Variants in CDH13 observed in about 807,000 individuals in gnomAD.
CDH13 encodes cadherin 13.
CDH13 carries 24 observed loss-of-function variants against 63.8 expected under a neutral mutation model. The observed-to-expected ratio is 0.38, with a 90% CI of 0.27 to 0.53. The LOEUF is 0.53. Among genes scored for constraint, CDH13 ranks in the 20% least tolerant of loss-of-function variants. The pLI is 0.85. For missense variants in CDH13, 1,049 were observed against 903.1 expected (o/e 1.16, Z -2.07); for synonymous variants, 503 against 355.3 (o/e 1.42, Z -4.67).
chr16:83,791,521 A>G (rs987571417), intron 13 of CDH13, among the ~76,000 whole-genome samples: 5 of 151,650 alleles, frequency 3.3e-5, no homozygotes, highest in African/African-American at 4.8e-5. Flanking sequence ...AAAATAAAAT[A>G]TGCATGCCTG....
At chr16:83,565,182 C>G (rs2075771252) in intron 7 of CDH13, among the ~76,000 whole-genome samples, 1 of 152,062 alleles carries the variant, frequency 6.6e-6, no homozygotes, top group Admixed American at 6.6e-5. Context: ...TCTAGAAAAG[C>G]AATTCAGATC....
intron 6 of CDH13, among the ~76,000 whole-genome samples, chr16:83,482,023 T>G (rs1483839026): frequency 1.3e-5 from 2 of 152,116 alleles, no homozygotes; most frequent in African/African-American, 4.8e-5. Flanking sequence ...GCCCTGGGCA[T>G]AGCATTGGTA....
intron 7 of CDH13, among the ~76,000 whole-genome samples, chr16:83,533,954 T>A (rs1404627371): frequency 1.3e-5 from 2 of 152,180 alleles, no homozygotes; most frequent in Non-Finnish European, 2.9e-5. Context: ...GTTGGACTTA[T>A]TTTTAAACTT....
chr16:82,659,846 C>T (rs1404039784), intron 1 of CDH13, among the ~76,000 whole-genome samples: 3 of 152,122 alleles, frequency 2.0e-5, no homozygotes, highest in Non-Finnish European at 4.4e-5. Context: ...CAGAAGCATC[C>T]CTGGCCTCTA....
At chr16:83,235,879 A>G (rs2040129294) in intron 5 of CDH13, among the ~76,000 whole-genome samples, 1 of 152,296 alleles carries the variant, frequency 6.6e-6, no homozygotes, top group Admixed American at 6.5e-5. Context: ...CGAGGTCCTT[A>G]AACTTGTGTG....
intron 6 of CDH13, among the ~76,000 whole-genome samples, chr16:83,419,655 TCA>T (rs2071656489): frequency 6.6e-6 from 1 of 152,216 alleles, no homozygotes; most frequent in Non-Finnish European, 1.5e-5. Context: ...CCATTCTTGA[TCA>T]GCTGCCCAAA....
chr16:83,194,646 C>G (rs939324200), intron 4 of CDH13, among the ~76,000 whole-genome samples: 2 of 152,190 alleles, frequency 1.3e-5, no homozygotes, highest in Non-Finnish European at 2.9e-5. Context: ...AACGACTTAA[C>G]TAAATCTTTT....
intron 3 of CDH13, among the ~76,000 whole-genome samples, chr16:83,120,458 C>G (rs1486566666): frequency 6.6e-6 from 1 of 152,138 alleles, no homozygotes; most frequent in African/African-American, 2.4e-5. Flanking sequence ...ACACGGTGTG[C>G]TTTGTCATTA....
At chr16:83,189,494 C>G (rs747783749) in intron 4 of CDH13, among the ~76,000 whole-genome samples, 14 of 152,158 alleles carry the variant, frequency 9.2e-5, no homozygotes, top group Admixed American at 2.6e-4. Context: ...AGTCAGAACA[C>G]AGAGGTTGTA....
At chr16:83,670,267 T>A (rs1914385218) in intron 8 of CDH13, among the ~76,000 whole-genome samples, 1 of 152,208 alleles carries the variant, frequency 6.6e-6, no homozygotes, top group Non-Finnish European at 1.5e-5. Flanking sequence ...CATCTGATTA[T>A]GTTGTTATTT....
chr16:83,252,107 TACACAC>T (rs149781230), intron 5 of CDH13, among the ~76,000 whole-genome samples: 6 of 135,956 alleles, frequency 4.4e-5, no homozygotes, highest in Admixed American at 7.6e-5. Context: ...ATATATATTA[TACACAC>T]ACACACACAC....
rs749450610 is a variant in CDH13 at position 83,047,783 on chromosome 16, G to A, written c.366+15565G>A. 4.6e-5 allele frequency among the ~76,000 whole-genome samples: 7 copies of A among 152,100 alleles called. No homozygotes were observed. Among genetic ancestry groups the A allele is most frequent in the African/African-American group, 1.2e-4 (5 of 41,404 alleles). ...CGTAGTCAATTTATTTAGCTCAAAC[G>A]TTGTGCGGGGCACCACTTTAAGTGC... On this transcript the variant is annotated intron_variant, in intron 3 of 13. Coordinates refer to ENST00000567109, the MANE Select transcript of CDH13 (RefSeq NM_001257.5). The surrounding 1 kb of genome is among the most constrained non-coding windows in gnomAD (Gnocchi z 4.9).
intron 1 of CDH13, among the ~76,000 whole-genome samples, chr16:82,634,169 C>T (rs749307388): frequency 6.6e-6 from 1 of 152,236 alleles, no homozygotes; most frequent in Admixed American, 6.5e-5. Context: ...CTGCCACATG[C>T]CTGGGCAGGG....
chr16:83,533,778 G>T (rs1006011831), intron 7 of CDH13, among the ~76,000 whole-genome samples: 1 of 151,660 alleles, frequency 6.6e-6, no homozygotes, highest in African/African-American at 2.4e-5. Flanking sequence ...GCACCACCAC[G>T]CCCAGCTAAT....
chr16:83,233,363 A>G (rs76224185), intron 5 of CDH13, among the ~76,000 whole-genome samples: 2,485 of 152,266 alleles, frequency 0.016, 53 homozygotes, highest in African/African-American at 0.057. Flanking sequence ...TCCTTCACAG[A>G]TGCTACGTCA....
intron 7 of CDH13, among the ~76,000 whole-genome samples, chr16:83,575,863 A>G (rs1361550805): frequency 1.3e-5 from 2 of 152,136 alleles, no homozygotes; most frequent in Non-Finnish European, 2.9e-5. Context: ...GTCCAGGACT[A>G]TTTCACTCAC....
intron 1 of CDH13, among the ~76,000 whole-genome samples, chr16:82,744,550 A>T (rs1478112303): frequency 6.6e-6 from 1 of 151,972 alleles, no homozygotes; most frequent in Non-Finnish European, 1.5e-5. Context: ...TGGCTTCTAG[A>T]ATACCAGGTC....
At chr16:83,346,314 T>A (rs186260357) in intron 6 of CDH13, among the ~76,000 whole-genome samples, 1 of 152,284 alleles carries the variant, frequency 6.6e-6, no homozygotes, top group African/African-American at 2.4e-5. Flanking sequence ...CTGCTTTTGA[T>A]GGAAAGATGG....
intron 2 of CDH13, among the ~76,000 whole-genome samples, chr16:82,976,473 C>A (rs1002473946): frequency 2.0e-5 from 3 of 152,186 alleles, no homozygotes; most frequent in Admixed American, 6.5e-5. Flanking sequence ...ATCTTAGATG[C>A]TTTTCCAGTT....
Sources: gnomAD v4.1 joint callset for allele counts (sites outside exome capture counted in the v4.1 genomes callset) on GRCh38, gnomAD v4.1.1 for gene constraint, Gnocchi (gnomAD v3.1) non-coding constraint, MANE v1.5 for transcripts, NCBI Gene and HGNC (gene_info 2026-07-23, HGNC 2026-07-21) for gene names.